SSH2: variants seen among roughly 807,000 people sequenced by gnomAD.
SSH2 encodes the protein slingshot protein phosphatase 2, also known as protein phosphatase Slingshot homolog 2.
In SSH2, 37 loss-of-function variants were observed where a neutral mutation model predicts 135.2. That is an observed-to-expected ratio of 0.27 (90% confidence interval 0.21 to 0.36). The LOEUF (loss-of-function observed/expected upper bound fraction) is 0.36, where lower values mean the gene tolerates loss of function less well. Among genes scored for constraint, SSH2 ranks in the 10% least tolerant of loss-of-function variants. SSH2 has a pLI of 1.00. For synonymous variants in SSH2, 628 were observed against 646.2 expected (o/e 0.97, Z 0.43); for missense variants, 1,408 against 1,765.3 (o/e 0.80, Z 3.63).
intron 1 of SSH2, among the ~76,000 whole-genome samples, chr17:29,892,521 GA>G (rs1275139791): frequency 2.6e-5 from 4 of 152,120 alleles, no homozygotes; most frequent in South Asian, 4.1e-4. Flanking sequence ...CAATGAAGAG[GA>G]AGATTCAGTA....
intron 9 of SSH2, among the ~76,000 whole-genome samples, chr17:29,671,619 A>G (rs1343050100): frequency 6.6e-6 from 1 of 152,242 alleles, no homozygotes; most frequent in Non-Finnish European, 1.5e-5. Context: ...CTTTCAGATA[A>G]TGCAAACTCA....
chr17:29,784,241 T>C (rs941285089), intron 3 of SSH2, among the ~76,000 whole-genome samples: 2 of 149,576 alleles, frequency 1.3e-5, no homozygotes, highest in Non-Finnish European at 3.0e-5. Context: ...AAAAATAGGC[T>C]GGGCGTGGTG....
At chr17:29,913,339 A>ATT (rs2066802581) in intron 1 of SSH2, among the ~76,000 whole-genome samples, 1 of 51,854 alleles carries the variant, frequency 1.9e-5, no homozygotes, top group Non-Finnish European at 4.1e-5. Context: ...AAAAAAAAAA[A>ATT]AAAAAAAAAT....
chr17:29,742,481 G>GTT (rs35446491), intron 3 of SSH2, among the ~76,000 whole-genome samples: 14,173 of 90,154 alleles, frequency 0.16, 2,033 homozygotes, highest in African/African-American at 0.29. Context: ...ACCACACCCA[G>GTT]TTTTTTTTTT....
At chr17:29,918,475 C>G (rs912350562) in intron 1 of SSH2, among the ~76,000 whole-genome samples, 2 of 152,178 alleles carry the variant, frequency 1.3e-5, no homozygotes, top group Admixed American at 6.5e-5. Context: ...GAAAAGCCAA[C>G]TGTATTCAAG....
chr17:29,677,868 A>C, intron 6 of SSH2, 127 bp from the exon 7 acceptor site: 1 of 678,468 alleles, frequency 1.5e-6, no homozygotes, highest in Non-Finnish European at 2.6e-6. Context: ...TGTTACAATG[A>C]AGAAATTTCT....
At chr17:29,679,416 T>C (rs1469344095) in intron 6 of SSH2, among the ~76,000 whole-genome samples, 1 of 152,008 alleles carries the variant, frequency 6.6e-6, no homozygotes, top group Non-Finnish European at 1.5e-5. Flanking sequence ...TATTTTTTTT[T>C]TTATTTTTAA....
At chr17:29,779,681 T>C (rs901079657) in intron 3 of SSH2, among the ~76,000 whole-genome samples, 2 of 149,794 alleles carry the variant, frequency 1.3e-5, no homozygotes, top group South Asian at 2.1e-4. Flanking sequence ...TAGCTGGGCG[T>C]GGTGGTGGGC....
chr17:29,664,801 T>G (rs939344627), intron 11 of SSH2, among the ~76,000 whole-genome samples: 2 of 152,186 alleles, frequency 1.3e-5, no homozygotes, highest in Non-Finnish European at 2.9e-5. Context: ...GAAATTAGAT[T>G]GTTTTTTCTG....
rs1365516697 is a variant in SSH2 at position 29,625,968 on chromosome 17, C to A, written c.*4873G>T. 1.3e-5 allele frequency: 2 copies of A among 152,574 alleles called. No homozygotes were observed. The highest frequency in any genetic ancestry group is 4.8e-5 in the African/African-American group (2 of 41,424). The allele number at this position is 152,574 out of a possible 1,614,324, so 9.5% of individuals were successfully genotyped here. The stretch of plus-strand genomic sequence containing the variant: ...TCTTCAAAATAAAAATTTATTCAAT[C>A]TGTAACAAGAACATTGAATCTGCAC... On this transcript the variant is annotated 3_prime_UTR_variant, in exon 16 of 16. Transcript: ENST00000540801.
chr17:29,791,922 T>A (rs907994138), intron 3 of SSH2, among the ~76,000 whole-genome samples: 1 of 149,978 alleles, frequency 6.7e-6, no homozygotes, highest in African/African-American at 2.4e-5. Context: ...TTCCTCTTTT[T>A]TTTTTTTTTT....
At chr17:29,661,061 C>CAAAAAAAAAAAAAAAAAAAAAAAAAA (rs374216221) in intron 11 of SSH2, among the ~76,000 whole-genome samples, 1 of 48,332 alleles carries the variant, frequency 2.1e-5, no homozygotes, top group African/African-American at 6.7e-5. Context: ...AATTCCATCT[C>CAAAAAAAAAAAAAAAAAAAAAAAAAA]AAAAAAAAAA....
At chr17:29,844,991 T>C (rs1046528794) in intron 2 of SSH2, among the ~76,000 whole-genome samples, 6 of 152,228 alleles carry the variant, frequency 3.9e-5, no homozygotes, top group African/African-American at 7.2e-5. Flanking sequence ...TAAAACTAAT[T>C]TGTGAAGTGT....
chr17:29,852,680 T>C (rs983790568), intron 1 of SSH2, among the ~76,000 whole-genome samples: 7 of 151,608 alleles, frequency 4.6e-5, no homozygotes, highest in African/African-American at 1.7e-4. Context: ...GCCTCCCGAG[T>C]AGCTGGGACT....
chr17:29,836,385 G>A (rs2042944542), intron 2 of SSH2, among the ~76,000 whole-genome samples: 2 of 152,022 alleles, frequency 1.3e-5, no homozygotes, highest in South Asian at 2.1e-4. Flanking sequence ...TTCCCCGATG[G>A]ACTGTAAATT....
intron 3 of SSH2, among the ~76,000 whole-genome samples, chr17:29,714,252 A>G (rs2039538897): frequency 6.6e-6 from 1 of 152,102 alleles, no homozygotes; most frequent in South Asian, 2.1e-4. Context: ...CATGGCACCA[A>G]GTTTAAAATA....
At chr17:29,891,955 G>C (rs1404931972) in intron 1 of SSH2, among the ~76,000 whole-genome samples, 1 of 151,856 alleles carries the variant, frequency 6.6e-6, no homozygotes, top group African/African-American at 2.4e-5. Context: ...CTACCACTAA[G>C]AAAGAAGCTT....
At chr17:29,761,604 C>T (rs572130556) in intron 3 of SSH2, among the ~76,000 whole-genome samples, 16 of 152,280 alleles carry the variant, frequency 1.1e-4, no homozygotes, top group African/African-American at 3.8e-4. Flanking sequence ...CAAGACACTG[C>T]TGCCTCGGTA....
At chr17:29,895,032 A>C (rs565912519) in intron 1 of SSH2, among the ~76,000 whole-genome samples, 1 of 151,434 alleles carries the variant, frequency 6.6e-6, no homozygotes, top group Admixed American at 6.6e-5. Flanking sequence ...CTTCTCTGAC[A>C]TAGACTCTCC....
Sources: allele counts gnomAD v4.1 joint callset (sites outside exome capture counted in the v4.1 genomes callset), GRCh38; gene constraint gnomAD v4.1.1; transcripts MANE v1.5; gene names NCBI Gene and HGNC (gene_info 2026-07-23, HGNC 2026-07-21).